NRG3: variants seen among roughly 807,000 people sequenced by gnomAD.
NRG3 encodes the protein pro-neuregulin-3, membrane-bound isoform.
In NRG3, 31 loss-of-function variants were observed where a neutral mutation model predicts 66.9. The ratio of observed to expected loss-of-function variants is 0.46; its 90% CI spans 0.35 to 0.63. The LOEUF (loss-of-function observed/expected upper bound fraction) is 0.63, where lower values mean the gene tolerates loss of function less well. Ranked by LOEUF, NRG3 falls within the 20% of genes least tolerant of loss-of-function variation. NRG3 has a pLI of 0.00. For synonymous variants in NRG3, 393 were observed against 359.4 expected, an observed-to-expected ratio of 1.09 and a Z score of -1.06; for missense variants, 910 against 878.9, an observed-to-expected ratio of 1.04 and a Z score of -0.45.
At position 82,679,609 on chromosome 10, in the gene NRG3, AT is replaced by A. The variant is rs1223340222; in HGVS notation, c.954-58964del. 2.6e-5 allele frequency among the ~76,000 whole-genome samples: 4 copies of A among 152,316 alleles called. No homozygotes were observed. In the East Asian group the frequency reaches 7.7e-4, roughly 29 times the overall value. On this transcript the variant is annotated intron_variant, in intron 2 of 8. Transcript: ENST00000372141. ...GCTGCTTGTTCAAAAATTATTAAGA[AT>A]TTTAACATGGTGATGCCAGAGCATT...
At chr10:82,042,097 C>T (rs184876759) in intron 1 of NRG3, among the ~76,000 whole-genome samples, 8 of 151,968 alleles carry the variant, frequency 5.3e-5, no homozygotes, top group Non-Finnish European at 7.4e-5. Context: ...AGAGGATTTC[C>T]GGCTTTTTCC....
intron 1 of NRG3, among the ~76,000 whole-genome samples, chr10:82,022,170 C>T (rs1227529493): frequency 1.3e-5 from 2 of 151,928 alleles, no homozygotes; most frequent in Admixed American, 6.6e-5. Flanking sequence ...TGCTTCAGGT[C>T]GTCAGGCCAC....
Position 82,836,804 on chromosome 10 carries a change from A to G in NRG3, c.1028-28607A>G, listed in dbSNP as rs1472820898. 2.0e-5 allele frequency among the ~76,000 whole-genome samples: 3 copies of G among 151,962 alleles called. No homozygotes were observed. The East Asian group carries it at 5.8e-4, about 29-fold the overall frequency. ...ACGTGCAGGTTAGTTACATATGTAT[A>G]CATGTGCCACATGTGCCATGTTGGT... On this transcript the variant is annotated intron_variant, in intron 3 of 8. Coordinates refer to ENST00000372141, the MANE Select transcript of NRG3 (RefSeq NM_001010848.4).
chr10:82,863,018 AC>A (rs890684804), intron 3 of NRG3, among the ~76,000 whole-genome samples: 2 of 151,068 alleles, frequency 1.3e-5, no homozygotes, highest in African/African-American at 4.9e-5. Context: ...TTTGCCCCTT[AC>A]CCCCCAACAG....
intron 2 of NRG3, among the ~76,000 whole-genome samples, chr10:82,379,910 C>CAAAAAAAAA (rs11423046): frequency 1.5e-4 from 12 of 78,414 alleles, no homozygotes; most frequent in Non-Finnish European, 1.7e-4. Context: ...ATGAACAATC[C>CAAAAAAAAA]AAAAAAAAAA....
rs1450746478 is a variant in NRG3 at position 81,994,158 on chromosome 10, CTTGT to C, written c.823+117998_823+118001del. 2.7e-4 allele frequency among the ~76,000 whole-genome samples: 41 copies of C among 152,118 alleles called. 1 individual carries two copies. In the East Asian group the frequency reaches 7.0e-3, roughly 26 times the overall value. On this transcript the variant is annotated intron_variant, in intron 1 of 8. Transcript: ENST00000372141. ...CCTCTCAGTAGTGTATGAGAAGACA[CTTGT>C]TTATTTTTTACAATCAAACATAGTA...
rs1182050082 is a variant in NRG3 at position 82,523,661 on chromosome 10, C to T, written c.953+164793C>T. 3.3e-5 allele frequency among the ~76,000 whole-genome samples: 5 copies of T among 151,874 alleles called. No homozygotes were observed. The South Asian group carries it at 8.3e-4, about 25-fold the overall frequency. On this transcript the variant is annotated intron_variant, in intron 2 of 8. Coordinates refer to ENST00000372141, the MANE Select transcript of NRG3 (RefSeq NM_001010848.4). ...GACCTATGACTTGCAAAAGTTTCTC[C>T]CATTCTGTGGGTAGCATTCTGCACT...
intron 2 of NRG3, among the ~76,000 whole-genome samples, chr10:82,426,314 T>G (rs956840242): frequency 4.6e-5 from 7 of 152,124 alleles, no homozygotes; most frequent in Non-Finnish European, 7.3e-5. Flanking sequence ...TAGTCCACGC[T>G]CAGTCTCCAG....
intron 1 of NRG3, among the ~76,000 whole-genome samples, chr10:82,353,126 C>T (rs551337395): frequency 7.9e-5 from 12 of 152,216 alleles, no homozygotes; most frequent in Admixed American, 2.6e-4. Context: ...AGTGGTGTCA[C>T]ATTAACTGAG....
At chr10:82,126,550 C>A (rs2068462199) in intron 1 of NRG3, among the ~76,000 whole-genome samples, 1 of 152,074 alleles carries the variant, frequency 6.6e-6, no homozygotes, top group Non-Finnish European at 1.5e-5. Context: ...GAAATTATCA[C>A]TTCATTCTGA....
chr10:81,932,380 C>T (rs975185322), intron 1 of NRG3, among the ~76,000 whole-genome samples: 3 of 152,132 alleles, frequency 2.0e-5, no homozygotes, highest in Non-Finnish European at 4.4e-5. Flanking sequence ...GGTTCTGCCC[C>T]CCAGCATTGG....
At chr10:82,795,393 G>T (rs532689029) in intron 3 of NRG3, among the ~76,000 whole-genome samples, 1 of 152,082 alleles carries the variant, frequency 6.6e-6, no homozygotes, top group South Asian at 2.1e-4. Context: ...ATTTTAAAAA[G>T]CTTTATTCAT....
At position 82,684,419 on chromosome 10, in the gene NRG3, G is replaced by A. The variant is rs572602861; in HGVS notation, c.954-54158G>A. ...AAGGCAAATACGTATAATGCTAGTT[G>A]ATGCTTTGGGGGATATATCTTTCTA... On this transcript the variant is annotated intron_variant, in intron 2 of 8. Transcript: ENST00000372141. Among the ~76,000 whole-genome samples the A allele has an allele frequency of 2.0e-5, 3 of 152,184 alleles. No individual in the cohort carries two copies. The South Asian group carries it at 6.2e-4, about 32-fold the overall frequency.
chr10:82,734,684 T>G (rs2134691604), intron 2 of NRG3, among the ~76,000 whole-genome samples: 1 of 152,078 alleles, frequency 6.6e-6, no homozygotes, highest in African/African-American at 2.4e-5. Context: ...GCCTTTTAAA[T>G]GTGGAAAAGA....
chr10:82,429,991 C>T (rs566190051), intron 2 of NRG3, among the ~76,000 whole-genome samples: 7 of 152,058 alleles, frequency 4.6e-5, no homozygotes, highest in African/African-American at 1.4e-4. Flanking sequence ...TTGTTGTTAC[C>T]ATGTCATTCT....
At chr10:82,952,309 T>C (rs1429015203) in intron 5 of NRG3, among the ~76,000 whole-genome samples, 1 of 151,936 alleles carries the variant, frequency 6.6e-6, no homozygotes, top group Non-Finnish European at 1.5e-5. Context: ...GGCGTGCCAC[T>C]GTAGTCCCAC....
At chr10:82,796,285 T>C (rs1338627629) in intron 3 of NRG3, among the ~76,000 whole-genome samples, 4 of 152,086 alleles carry the variant, frequency 2.6e-5, no homozygotes, top group Non-Finnish European at 4.4e-5. Flanking sequence ...TCCATGAACT[T>C]AATACTAAAA....
intron 3 of NRG3, among the ~76,000 whole-genome samples, chr10:82,754,942 T>C (rs2059019845): frequency 1.3e-5 from 2 of 152,148 alleles, no homozygotes; most frequent in South Asian, 2.1e-4. Context: ...TGTTTTGAGA[T>C]TGAGTGTCTC....
chr10:82,519,445 G>A (rs75729562), intron 2 of NRG3, among the ~76,000 whole-genome samples: 3,147 of 152,222 alleles, frequency 0.021, 106 homozygotes, highest in African/African-American at 0.07. Context: ...GTTATGGGGT[G>A]GAGGTAAGGG....
Sources: gnomAD v4.1 joint callset for allele counts (sites outside exome capture counted in the v4.1 genomes callset) on GRCh38, gnomAD v4.1.1 for gene constraint, MANE v1.5 for transcripts, NCBI Gene and HGNC (gene_info 2026-07-23, HGNC 2026-07-21) for gene names.